Variants in ARID4A observed in about 807,000 individuals in gnomAD.
The protein encoded by ARID4A is AT-rich interaction domain 4A, also known as AT-rich interactive domain-containing protein 4A.
A neutral mutation model predicts 148.6 loss-of-function variants in ARID4A; 39 were observed. The observed-to-expected ratio is 0.26, with a 90% CI of 0.20 to 0.34. The LOEUF is 0.34. Ranked by LOEUF, ARID4A falls within the 10% of genes least tolerant of loss-of-function variation. The pLI is 1.00. For missense variants in ARID4A, 1,265 were observed against 1,449.1 expected (o/e 0.87, Z 2.06); for synonymous variants, 475 against 481.2 (o/e 0.99, Z 0.17).
At chr14:58,368,540 G>A (rs1354846240) in intron 23 of ARID4A, among the ~76,000 whole-genome samples, 1 of 151,666 alleles carries the variant, frequency 6.6e-6, no homozygotes, top group Non-Finnish European at 1.5e-5. Context: ...GTAGAAAAAG[G>A]AGAATAAAAA....
intron 17 of ARID4A, among the ~76,000 whole-genome samples, chr14:58,354,383 TG>T (rs1021267206): frequency 6.6e-6 from 1 of 152,110 alleles, no homozygotes; most frequent in African/African-American, 2.4e-5. Flanking sequence ...TAGATGATTT[TG>T]GGGAGGGTTT....
At chr14:58,359,027 C>A in intron 17 of ARID4A, 105 bp from the exon 18 acceptor site, 2 of 1,262,210 alleles carry the variant, frequency 1.6e-6, no homozygotes, top group South Asian at 3.0e-5. Flanking sequence ...TAAGAACAAA[C>A]TATTTAATCT....
chr14:58,325,500 G>A (rs990674325), intron 8 of ARID4A, among the ~76,000 whole-genome samples: 1 of 152,056 alleles, frequency 6.6e-6, no homozygotes, highest in Non-Finnish European at 1.5e-5. Flanking sequence ...CTCCAGGCTG[G>A]TCTCAAACTC....
chr14:58,335,400 G>A lies in ARID4A; in HGVS notation c.906+5231G>A, dbSNP rs372208623. 4.0e-5 allele frequency among the ~76,000 whole-genome samples: 6 copies of A among 148,782 alleles called. 1 individual carries two copies. Among genetic ancestry groups the A allele is most frequent in the East Asian group, 2.0e-4 (1 of 5,014 alleles). ...GTGATCTCGGCTCACCACAACCTCC[G>A]CCTCCTGGGTTCAAGCAATTCTCCT... On this transcript the variant is annotated intron_variant, in intron 11 of 23. Transcript: ENST00000355431.
At chr14:58,348,853 A>G (rs1413969458) in intron 15 of ARID4A, among the ~76,000 whole-genome samples, 1 of 152,118 alleles carries the variant, frequency 6.6e-6, no homozygotes, top group Non-Finnish European at 1.5e-5. Flanking sequence ...AAATTGTGGT[A>G]AGTACATATA....
chr14:58,307,963 T>G (rs564250802), intron 5 of ARID4A, among the ~76,000 whole-genome samples: 3 of 151,810 alleles, frequency 2.0e-5, no homozygotes, highest in Admixed American at 6.6e-5. Flanking sequence ...GATATTTATA[T>G]TGCACCTTAT....
intron 11 of ARID4A, among the ~76,000 whole-genome samples, chr14:58,344,344 C>A (rs1490882089): frequency 1.3e-5 from 2 of 151,690 alleles, no homozygotes; most frequent in Admixed American, 6.6e-5. Context: ...GCTCATCTGC[C>A]AGTATATTTG....
intron 5 of ARID4A, among the ~76,000 whole-genome samples, chr14:58,308,981 T>A (rs903255826): frequency 2.6e-5 from 4 of 152,220 alleles, no homozygotes; most frequent in Admixed American, 2.0e-4. Flanking sequence ...GATATTAACT[T>A]CTTCTTGCAT....
At chr14:58,354,574 C>T (rs552656080) in intron 17 of ARID4A, among the ~76,000 whole-genome samples, 1 of 151,604 alleles carries the variant, frequency 6.6e-6, no homozygotes, top group East Asian at 1.9e-4. Context: ...TCCCAGTTAC[C>T]CAGAAGGCTG....
chr14:58,320,756 C>T (rs1363183051), intron 7 of ARID4A, among the ~76,000 whole-genome samples: 2 of 152,008 alleles, frequency 1.3e-5, no homozygotes, highest in Non-Finnish European at 2.9e-5. Flanking sequence ...TACAGTCGTC[C>T]ACCACGACGC....
Position 58,351,002 on chromosome 14 carries a change from A to G in ARID4A, c.1405-71A>G, listed in dbSNP as rs571229668. On this transcript the variant is annotated intron_variant, in intron 15 of 23. Coordinates refer to ENST00000355431, the MANE Select transcript of ARID4A (RefSeq NM_002892.4). ...AGACATTGCTATGAAGGTTAAAGGAAAAGATATTTTTTCCTGCTTTTTTCC... is the reference window on the plus strand; with the variant it reads ...AGACATTGCTATGAAGGTTAAAGGAGAAGATATTTTTTCCTGCTTTTTTCC... 29 of 1,468,836 alleles carry G rather than the reference A, an allele frequency of 2.0e-5. No homozygotes were observed. The East Asian group carries it at 6.6e-4, about 33-fold the overall frequency. The allele number at this position is 1,468,836 out of a possible 1,614,324, so 91.0% of individuals were successfully genotyped here.
chr14:58,312,737 T>A (rs1198101730), intron 5 of ARID4A, among the ~76,000 whole-genome samples: 1 of 152,188 alleles, frequency 6.6e-6, no homozygotes, highest in African/African-American at 2.4e-5. Context: ...GCCTATTATG[T>A]CTTTTGATAT....
At chr14:58,328,541 T>C (rs955309131) in intron 9 of ARID4A, among the ~76,000 whole-genome samples, 1 of 148,072 alleles carries the variant, frequency 6.8e-6, no homozygotes, top group Non-Finnish European at 1.5e-5. Context: ...TTAAGAACAG[T>C]TTTTTTTTTA....
At chr14:58,311,614 T>C (rs1594874013) in intron 5 of ARID4A, among the ~76,000 whole-genome samples, 1 of 152,194 alleles carries the variant, frequency 6.6e-6, no homozygotes. Context: ...TAAACTAGTA[T>C]GTCAGAGATG....
Position 58,372,316 on chromosome 14 carries a change from C to T in ARID4A, c.*327C>T, listed in dbSNP as rs955436826. 12 of 281,322 alleles carry T rather than the reference C, an allele frequency of 4.3e-5. No homozygotes were observed. The highest frequency in any genetic ancestry group is 1.7e-4 in the African/African-American group (8 of 46,180). 17.4% of individuals were successfully genotyped at this position (281,322 alleles called of 1,614,324 possible). Reference sequence around the variant, plus strand: ...TAAAGCTTTCAGGTGTTACAGAAATCGTAGACAAGCAAGTGCACATGATAA... The same window carrying T: ...TAAAGCTTTCAGGTGTTACAGAAATTGTAGACAAGCAAGTGCACATGATAA... On this transcript the variant is annotated 3_prime_UTR_variant, in exon 24 of 24. Coordinates refer to ENST00000355431, the MANE Select transcript of ARID4A (RefSeq NM_002892.4).
At chr14:58,330,608 G>A (rs1424395949) in intron 11 of ARID4A, among the ~76,000 whole-genome samples, 1 of 152,004 alleles carries the variant, frequency 6.6e-6, no homozygotes, top group Non-Finnish European at 1.5e-5. Flanking sequence ...GGTAGAAGAG[G>A]GATTTGTACT....
chr14:58,322,964 A>C (rs1481817214), intron 7 of ARID4A, among the ~76,000 whole-genome samples: 1 of 23,840 alleles, frequency 4.2e-5, no homozygotes, highest in African/African-American at 1.9e-4. Context: ...CTCCATTTCC[A>C]AAAAAAAAAA....
rs71107933 is a variant in ARID4A, at chr14:58,317,624, CTTTTTTTTTTTT to C, written c.275-905_275-894del. On this transcript the variant is annotated intron_variant, in intron 5 of 23. Transcript: ENST00000355431. ...TTTTTAAAAAAACCTTTATATTTGT[CTTTTTTTTTTTT>C]TTTTTTTTTTTTGAGACAGAATCTT... is the stretch of plus-strand genomic sequence containing the variant. 5.7e-5 allele frequency among the ~76,000 whole-genome samples: 4 copies of C among 69,888 alleles called. 1 individual carries two copies. The highest frequency in any genetic ancestry group is 7.3e-5 in the Non-Finnish European group (3 of 41,020). 45.8% of individuals were successfully genotyped at this position (69,888 alleles called of 152,430 possible).
chr14:58,324,956 G>A (rs2033131752), intron 8 of ARID4A, among the ~76,000 whole-genome samples: 1 of 152,056 alleles, frequency 6.6e-6, no homozygotes, highest in Admixed American at 6.6e-5. Flanking sequence ...AGATTGTATA[G>A]TAAATTAAAA....
Sources: gnomAD v4.1 joint callset for allele counts (sites outside exome capture counted in the v4.1 genomes callset) on GRCh38, gnomAD v4.1.1 for gene constraint, MANE v1.5 for transcripts, NCBI Gene and HGNC (gene_info 2026-07-23, HGNC 2026-07-21) for gene names.